The following CABIN1 variants were observed in gnomAD, a reference collection of about 807,000 sequenced individuals.
CABIN1 encodes calcineurin-binding protein cabin-1.
A neutral mutation model predicts 227.7 loss-of-function variants in CABIN1; 133 were observed. That is an observed-to-expected ratio of 0.58 (90% confidence interval 0.51 to 0.67). The LOEUF (loss-of-function observed/expected upper bound fraction) is 0.67, where lower values mean the gene tolerates loss of function less well. Ranked by LOEUF, CABIN1 falls within the 30% of genes least tolerant of loss-of-function variation. CABIN1 has a pLI of 0.00. For missense variants in CABIN1, 2,408 were observed against 2,852.5 expected (o/e 0.84, Z 3.55); for synonymous variants, 1,086 against 1,155.1 (o/e 0.94, Z 1.21).
At chr22:24,039,494 T>G (rs2037194748) in intron 4 of CABIN1, among the ~76,000 whole-genome samples, 1 of 152,202 alleles carries the variant, frequency 6.6e-6, no homozygotes, top group Non-Finnish European at 1.5e-5. Flanking sequence ...GACCTCCTCC[T>G]CTCCTGTTAG....
chr22:24,055,145 C>T lies in CABIN1; in HGVS notation c.1079C>T (p.Thr360Ile). 6.2e-7 allele frequency: 1 copy of T among 1,612,292 alleles called. No homozygotes were observed. Among genetic ancestry groups the T allele is most frequent in the Non-Finnish European group, 8.5e-7 (1 of 1,180,030 alleles). ...FPLHSPGLLE[T>I]GAPVGDISGG... ...CTGCACAGTCCTGGTCTGTTGGAGA[C>T]AGGCGCTCCTGTGGGTAAGCAGGCC... The change falls in exon 9 of 37, where the codon ACA becomes ATA. Residue 360 changes from threonine (T) to isoleucine (I), a missense_variant. Physicochemically the swap from Thr to Ile is moderately conservative, Grantham distance 89. This residue lies in a region of CABIN1 where 1,045 missense variants were observed against 1,168.4 expected (regional missense o/e 0.89). Transcript: ENST00000263119.
intron 1 of CABIN1, among the ~76,000 whole-genome samples, chr22:24,035,241 A>T (rs2036780390): frequency 6.6e-6 from 1 of 152,170 alleles, no homozygotes; most frequent in Admixed American, 6.5e-5. Flanking sequence ...CTGGCACCTG[A>T]TGCATTGCCA....
At position 24,119,616 on chromosome 22, in the gene CABIN1, G is replaced by A. The variant is rs757821693; in HGVS notation, c.4550G>A (p.Arg1517His). 19 of 1,613,724 alleles carry A rather than the reference G, an allele frequency of 1.2e-5. No individual in the cohort carries two copies. The East Asian group carries it at 1.8e-4, about 15-fold the overall frequency. ...FLTEQCIASFRLCLSRFPQHY... is the reference protein window; with the variant it reads ...FLTEQCIASFHLCLSRFPQHY... Reference sequence around the variant, plus strand: ...ACAGAGCAGTGCATCGCCTCCTTCCGCCTGTGCCTGAGCCGCTTCCCCCAG... The same window carrying A: ...ACAGAGCAGTGCATCGCCTCCTTCCACCTGTGCCTGAGCCGCTTCCCCCAG... The change falls in exon 28 of 37, where the codon CGC becomes CAC. Residue 1517 changes from arginine to histidine, a missense_variant. Physicochemically the swap from Arg to His is conservative, Grantham distance 29 (BLOSUM62 0). Coordinates refer to ENST00000263119, the MANE Select transcript of CABIN1 (RefSeq NM_012295.4).
chr22:24,059,852 C>T, intron 11 of CABIN1, 72 bp from the exon 12 acceptor site: 1 of 1,351,012 alleles, frequency 7.4e-7, no homozygotes, highest in Non-Finnish European at 1.1e-6. Context: ...TTTACTGTCC[C>T]AAAGTAAATA....
chr22:24,137,553 G>C (rs1418790760), intron 29 of CABIN1, among the ~76,000 whole-genome samples: 2 of 152,216 alleles, frequency 1.3e-5, no homozygotes, highest in African/African-American at 4.8e-5. Context: ...GTGTTTTGGT[G>C]GTTTTGCCAC....
At chr22:24,091,433 A>G in intron 23 of CABIN1, 150 bp from the exon 24 acceptor site, 1 of 986,070 alleles carries the variant, frequency 1.0e-6, no homozygotes, top group Non-Finnish European at 1.6e-6. Flanking sequence ...CGGTGTCACC[A>G]GCTGTGAAAT....
At chr22:24,019,467 A>G (rs921242275) in intron 1 of CABIN1, among the ~76,000 whole-genome samples, 1 of 151,038 alleles carries the variant, frequency 6.6e-6, no homozygotes, top group Admixed American at 6.6e-5. Flanking sequence ...GTTGGCCAGG[A>G]TGGTCTCGAA....
At position 24,050,936 on chromosome 22, in the gene CABIN1, G is replaced by A; in HGVS notation, c.768G>A (p.Glu256=). 2 of 1,614,240 alleles carry A rather than the reference G, an allele frequency of 1.2e-6. No homozygotes were observed. Among genetic ancestry groups the A allele is most frequent in the African/African-American group, 2.7e-5 (2 of 75,064 alleles). Residue 256 remains glutamate, a synonymous_variant, in exon 8 of 37, where the codon GAG becomes GAA. Coordinates refer to ENST00000263119, the MANE Select transcript of CABIN1 (RefSeq NM_012295.4). Reference sequence around the variant, plus strand: ...AAGCGCTGATTGTGCGGGAGAAGGAGCCGGACCTGAAACTTGTGCAGCCCA... The same window carrying A: ...AAGCGCTGATTGTGCGGGAGAAGGAACCGGACCTGAAACTTGTGCAGCCCA... ...KRQALIVREK[E]PDLKLVQPIP... is the part of the protein sequence containing the mutation.
chr22:24,050,264 A>G (rs1429529422), intron 7 of CABIN1, among the ~76,000 whole-genome samples: 2 of 152,236 alleles, frequency 1.3e-5, no homozygotes, highest in East Asian at 3.9e-4. Flanking sequence ...CACATGAAAC[A>G]GATAAATTCA....
chr22:24,138,707 T>C (rs1218064911), intron 29 of CABIN1, among the ~76,000 whole-genome samples: 1 of 152,208 alleles, frequency 6.6e-6, no homozygotes, highest in Non-Finnish European at 1.5e-5. Flanking sequence ...CACCAGGAGC[T>C]TCCATGTATT....
At chr22:24,058,804 C>T (rs1016482020) in intron 10 of CABIN1, among the ~76,000 whole-genome samples, 3 of 152,244 alleles carry the variant, frequency 2.0e-5, no homozygotes, top group Non-Finnish European at 2.9e-5. Context: ...ACCCTGCTCT[C>T]TAAAGCAGGG....
chr22:24,046,857 G>A (rs77400100), intron 6 of CABIN1, among the ~76,000 whole-genome samples: 6,264 of 152,140 alleles, frequency 0.041, 240 homozygotes, highest in African/African-American at 0.098. Context: ...GGCAGGCCCA[G>A]GAAGAGCTGA....
Position 24,054,951 on chromosome 22 carries a change from C to G in CABIN1, c.885C>G (p.Gly295=). 1 of 1,614,230 alleles carries G rather than the reference C, an allele frequency of 6.2e-7. No individual in the cohort carries two copies. Among genetic ancestry groups the G allele is most frequent in the African/African-American group, 1.3e-5 (1 of 75,056 alleles). Residue 295 remains glycine, a synonymous_variant, in exon 9 of 37, where the codon GGC becomes GGG. Coordinates refer to ENST00000263119, the MANE Select transcript of CABIN1 (RefSeq NM_012295.4). ...GTGAGCCCCCACGTCCCAGCCTTGG[C>G]AAAAGGATTGATTTGTCGGACTACC... ...TTCEPPRPSL[G]KRIDLSDYQD...
intron 28 of CABIN1, among the ~76,000 whole-genome samples, chr22:24,122,181 G>A (rs1252077774): frequency 2.6e-5 from 4 of 151,976 alleles, no homozygotes; most frequent in African/African-American, 9.7e-5. Flanking sequence ...TTCTCTTGAT[G>A]ATTTTTTTAG....
chr22:24,096,168 G>T, intron 25 of CABIN1, 86 bp downstream of exon 25: 5 of 1,483,758 alleles, frequency 3.4e-6, no homozygotes, highest in Non-Finnish European at 4.7e-6. Flanking sequence ...TTGTTCAGAG[G>T]GTTGCTACAC....
At chr22:24,109,221 CTTTTT>C (rs869266886) in intron 26 of CABIN1, among the ~76,000 whole-genome samples, 1 of 133,304 alleles carries the variant, frequency 7.5e-6, no homozygotes, top group Admixed American at 7.6e-5. Flanking sequence ...TTATATTTTG[CTTTTT>C]TTTTTTTTTT....
chr22:24,113,555 T>C lies in CABIN1; in HGVS notation c.4118-11T>C, dbSNP rs972228488. ...AATGCTCTCGCCCTCTCTTCCTCCT[T>C]CTCCCCTCAGACCGAAGCCAGGACA... is the stretch of plus-strand genomic sequence containing the variant. On this transcript the variant is annotated splice_polypyrimidine_tract_variant and intron_variant, in intron 26 of 36. Coordinates refer to ENST00000263119, the MANE Select transcript of CABIN1 (RefSeq NM_012295.4). The C allele has an allele frequency of 2.5e-6, 4 of 1,613,500 alleles. No homozygotes were observed. The highest frequency in any genetic ancestry group is 1.3e-5 in the African/African-American group (1 of 74,818).
chr22:24,134,199 C>T (rs921590753), intron 28 of CABIN1, 103 bp from the exon 29 acceptor site: 10 of 757,726 alleles, frequency 1.3e-5, no homozygotes, highest in South Asian at 4.4e-5. Flanking sequence ...TGCTGCTCAT[C>T]GTGGTTTGCC....
rs780562048 is a variant in CABIN1 at position 24,059,284 on chromosome 22, G to A, written c.1320G>A (p.Gln440=). The change falls in exon 11 of 37, where the codon CAG becomes CAA. Residue 440 remains glutamine, a synonymous_variant. Transcript: ENST00000263119. The stretch of plus-strand genomic sequence containing the variant: ...ATTCCTTTAATAACTATGAAGTCCA[G>A]TCAGAAGCCAAACTGGAAAGCTTCC... ...EDDSFNNYEV[Q]SEAKLESFPS... is the part of the protein sequence containing the mutation. 2.5e-6 allele frequency: 4 copies of A among 1,614,098 alleles called. No individual in the cohort carries two copies. The African/African-American group carries it at 5.3e-5, about 22-fold the overall frequency.
Sources: gnomAD v4.1 joint callset for allele counts (sites outside exome capture counted in the v4.1 genomes callset) on GRCh38, gnomAD v4.1.1 for gene constraint, gnomAD v4.1.1 regional missense constraint, MANE v1.5 for transcripts, NCBI Gene and HGNC (gene_info 2026-07-23, HGNC 2026-07-21) for gene names.